DNAH7: variants seen among roughly 807,000 people sequenced by gnomAD.
DNAH7 encodes the protein axonemal beta dynein heavy chain 7.
In DNAH7, 397 loss-of-function variants were observed where a neutral mutation model predicts 444.6. The observed-to-expected ratio is 0.89, with a 90% CI of 0.82 to 0.97. DNAH7 has a LOEUF of 0.97. Ranked by LOEUF, DNAH7 falls within the 50% of genes least tolerant of loss-of-function variation. The pLI, the probability that DNAH7 is intolerant of heterozygous loss-of-function variation, is 0.00. For missense variants in DNAH7, 4,902 were observed against 4,800.8 expected (o/e 1.02, Z -0.62); for synonymous variants, 1,636 against 1,624.4 (o/e 1.01, Z -0.17).
At chr2:195,901,230 G>T (rs752600581) in intron 27 of DNAH7, 1 of 151,924 alleles carries the variant, frequency 6.6e-6, no homozygotes, top group Non-Finnish European at 1.5e-5. Context: ...ATTGTTACAC[G>T]ATGTATATGT....
At chr2:195,954,840 C>G (rs1690527856) in intron 19 of DNAH7, among the ~76,000 whole-genome samples, 1 of 152,166 alleles carries the variant, frequency 6.6e-6, no homozygotes, top group African/African-American at 2.4e-5. Flanking sequence ...TGAGAAGTGT[C>G]TGTTCATATC....
chr2:195,775,920 T>C lies in DNAH7; in HGVS notation c.11128A>G (p.Met3710Val), dbSNP rs546899325. 73 of 1,614,212 alleles carry C rather than the reference T, an allele frequency of 4.5e-5. No homozygotes were observed. Among genetic ancestry groups the C allele is most frequent in the Non-Finnish European group, 6.1e-5 (72 of 1,180,022 alleles). Residue 3710 changes from methionine to valine, a missense_variant, in exon 60 of 65, where the codon ATG (methionine) becomes GTG (valine). Transcript: ENST00000312428. ...TTAGTGATATCTGCATTGGCATTCATCCCAAAGATTTCTGGTGCTGGGGTC... is the reference window on the plus strand; with the variant it reads ...TTAGTGATATCTGCATTGGCATTCACCCCAAAGATTTCTGGTGCTGGGGTC... ...PLTPAPEIFG[M>V]NANADITKDQ... is the part of the protein sequence containing the mutation.
intron 12 of DNAH7, 114 bp from the exon 13 acceptor site, chr2:195,988,343 G>T: frequency 1.1e-6 from 1 of 936,498 alleles, no homozygotes; most frequent in Non-Finnish European, 1.5e-6. Context: ...TCACAAGGTT[G>T]TTTTAACTGT....
intron 53 of DNAH7, among the ~76,000 whole-genome samples, chr2:195,807,144 A>C (rs560965649): frequency 6.6e-6 from 1 of 151,850 alleles, no homozygotes; most frequent in Non-Finnish European, 1.5e-5. Context: ...ATTCCTCCAA[A>C]CACAGGCATT....
intron 41 of DNAH7, among the ~76,000 whole-genome samples, chr2:195,863,255 T>C (rs1700126824): frequency 6.6e-6 from 1 of 152,196 alleles, no homozygotes; most frequent in Admixed American, 6.5e-5. Flanking sequence ...TACCAGGAAG[T>C]AGAGATACAG....
chr2:195,941,363 G>T (rs1289164858), intron 19 of DNAH7, among the ~76,000 whole-genome samples: 2 of 151,210 alleles, frequency 1.3e-5, no homozygotes, highest in African/African-American at 4.9e-5. Context: ...ACACACTGGG[G>T]CCTGTCGGGG....
Position 196,026,769 on chromosome 2 carries a change from T to C in DNAH7, c.658A>G (p.Lys220Glu), listed in dbSNP as rs372596500. The change falls in exon 7 of 65, where the codon AAA becomes GAA. Residue 220 changes from lysine (K) to glutamate (E), a missense_variant. Coordinates refer to ENST00000312428, the MANE Select transcript of DNAH7 (RefSeq NM_018897.3). ...MREDYLLSVR[K>E]SIVDFVLKDP... is the part of the protein sequence containing the mutation. ...CATAATACCAATTTACCTATGGATT[T>C]CCTTACACTAAGAAGATAATCCTCT... 2.2e-5 allele frequency: 35 copies of C among 1,607,578 alleles called. No homozygotes were observed. The African/African-American group carries it at 4.3e-4, about 20-fold the overall frequency.
At chr2:195,969,824 T>C (rs1691722861) in intron 17 of DNAH7, 124 bp downstream of exon 17, 3 of 954,922 alleles carry the variant, frequency 3.1e-6, no homozygotes, top group Admixed American at 3.3e-5. Context: ...GTCATTCTAT[T>C]ATCCTCTAAT....
At position 196,058,068 on chromosome 2, in the gene DNAH7, G is replaced by A; in HGVS notation, c.64C>T (p.Pro22Ser). ...EKSKKPVRFL[P>S]QLSMEKLASK... The stretch of plus-strand genomic sequence containing the variant: ...TGGTAAATTACCATAGACAGCTGTG[G>A]TAGAAATCTTACTGGTTTCTTGGAT... Residue 22 changes from proline to serine, a missense_variant, in exon 2 of 65, where the codon CCA becomes TCA. Coordinates refer to ENST00000312428, the MANE Select transcript of DNAH7 (RefSeq NM_018897.3). 1.9e-6 allele frequency: 3 copies of A among 1,573,798 alleles called. No individual in the cohort carries two copies. Among genetic ancestry groups the A allele is most frequent in the Non-Finnish European group, 2.6e-6 (3 of 1,158,842 alleles).
At chr2:195,832,572 A>G (rs935150278) in intron 48 of DNAH7, among the ~76,000 whole-genome samples, 2 of 151,768 alleles carry the variant, frequency 1.3e-5, no homozygotes, top group African/African-American at 2.4e-5. Flanking sequence ...CCTCCTGAGT[A>G]GCTGGGACCA....
chr2:195,901,988 T>C (rs1278435060), intron 27 of DNAH7: 1 of 152,180 alleles, frequency 6.6e-6, no homozygotes, highest in African/African-American at 2.4e-5. Flanking sequence ...CAATAGCTCA[T>C]GTATTAAAAC....
intron 22 of DNAH7, among the ~76,000 whole-genome samples, chr2:195,924,138 A>T (rs1201051116): frequency 6.6e-6 from 1 of 152,138 alleles, no homozygotes; most frequent in African/African-American, 2.4e-5. Flanking sequence ...ACTAAACCAG[A>T]GCCAATCACA....
intron 58 of DNAH7, among the ~76,000 whole-genome samples, chr2:195,782,914 T>C (rs1695457201): frequency 6.6e-6 from 1 of 152,168 alleles, no homozygotes; most frequent in Non-Finnish European, 1.5e-5. Flanking sequence ...TTAAATCTCA[T>C]CTATTTTCAG....
At chr2:196,046,111 T>C (rs1697106693) in intron 5 of DNAH7, among the ~76,000 whole-genome samples, 1 of 151,416 alleles carries the variant, frequency 6.6e-6, no homozygotes, top group African/African-American at 2.4e-5. Context: ...CTGGATAGTA[T>C]ATCACAAAGC....
chr2:195,887,390 G>T (rs1362459038), intron 33 of DNAH7, among the ~76,000 whole-genome samples: 3 of 151,840 alleles, frequency 2.0e-5, no homozygotes, highest in African/African-American at 7.3e-5. Context: ...CTTCTTGAAA[G>T]AGCAGGGTGG....
At chr2:195,740,688 A>G (rs926346952) in intron 64 of DNAH7, 78 bp downstream of exon 64, 11 of 346,792 alleles carry the variant, frequency 3.2e-5, no homozygotes, top group African/African-American at 2.4e-4. Flanking sequence ...TACACACAAT[A>G]TGGGGTCTAT....
chr2:196,046,865 TG>T (rs1254774636), intron 5 of DNAH7, among the ~76,000 whole-genome samples: 1 of 152,134 alleles, frequency 6.6e-6, no homozygotes, highest in African/African-American at 2.4e-5. Flanking sequence ...CAAAGCGGTG[TG>T]GAAACAAGGC....
intron 15 of DNAH7, among the ~76,000 whole-genome samples, chr2:195,984,028 A>T (rs1406527866): frequency 1.3e-5 from 2 of 152,272 alleles, no homozygotes; most frequent in African/African-American, 4.8e-5. Context: ...CCTCTCAATC[A>T]GACTTGTTTT....
chr2:195,999,225 T>C (rs1441621930), intron 12 of DNAH7: 2 of 717,202 alleles, frequency 2.8e-6, no homozygotes, highest in Non-Finnish European at 5.2e-6. Flanking sequence ...AAAAATGTCC[T>C]GGTTTTGCTT....
Sources: allele counts gnomAD v4.1 joint callset (sites outside exome capture counted in the v4.1 genomes callset), GRCh38; gene constraint gnomAD v4.1.1; transcripts MANE v1.5; gene names NCBI Gene and HGNC (gene_info 2026-07-23, HGNC 2026-07-21).